The following CPQ variants were observed in gnomAD, a reference collection of about 807,000 sequenced individuals.
CPQ encodes carboxypeptidase Q.
In CPQ, 37 loss-of-function variants were observed where a neutral mutation model predicts 45.7. The ratio of observed to expected loss-of-function variants is 0.81; its 90% CI spans 0.62 to 1.07. The LOEUF (loss-of-function observed/expected upper bound fraction) is 1.07. Ranked by LOEUF, CPQ falls within the 50% of genes least tolerant of loss-of-function variation. The probability of loss-of-function intolerance (pLI) is 0.00; values close to 1 mark genes in which losing one functional copy is unlikely to be tolerated. For missense variants in CPQ, 537 were observed against 572.9 expected, an observed-to-expected ratio of 0.94 and a Z score of 0.64; for synonymous variants, 186 against 205.8, an observed-to-expected ratio of 0.90 and a Z score of 0.82.
chr8:96,733,899 G>A (rs550064540), intron 1 of CPQ, among the ~76,000 whole-genome samples: 7 of 152,178 alleles, frequency 4.6e-5, no homozygotes, highest in South Asian at 2.1e-4. Flanking sequence ...CTGTGAACCC[G>A]TACTTAGTTT....
At chr8:96,914,295 T>G (rs1430881914) in intron 4 of CPQ, among the ~76,000 whole-genome samples, 1 of 152,206 alleles carries the variant, frequency 6.6e-6, no homozygotes, top group African/African-American at 2.4e-5. Context: ...AAAACAGTTT[T>G]GATTCATTCC....
At chr8:97,085,820 C>A (rs747344332) in intron 7 of CPQ, among the ~76,000 whole-genome samples, 4 of 152,092 alleles carry the variant, frequency 2.6e-5, no homozygotes, top group Non-Finnish European at 4.4e-5. Flanking sequence ...AGGCTAAAGC[C>A]AATTGTGGTT....
At chr8:96,834,925 C>A in intron 2 of CPQ, 48 bp from the exon 3 acceptor site, 1 of 1,550,728 alleles carries the variant, frequency 6.4e-7, no homozygotes, top group African/African-American at 1.4e-5. Flanking sequence ...CAATTCAACC[C>A]AGCTGATGGG....
chr8:96,786,041 A>G (rs1486898074), intron 2 of CPQ, among the ~76,000 whole-genome samples: 1 of 152,208 alleles, frequency 6.6e-6, no homozygotes, highest in African/African-American at 2.4e-5. Flanking sequence ...TATAATTCAC[A>G]TACTATGATG....
At chr8:96,774,121 A>C (rs1810578465) in intron 1 of CPQ, among the ~76,000 whole-genome samples, 1 of 152,056 alleles carries the variant, frequency 6.6e-6, no homozygotes, top group Non-Finnish European at 1.5e-5. Context: ...AAATAGAAAA[A>C]TTAGCCGGGC....
intron 1 of CPQ, among the ~76,000 whole-genome samples, chr8:96,729,591 A>G (rs1032963136): frequency 6.6e-6 from 1 of 152,116 alleles, no homozygotes; most frequent in Non-Finnish European, 1.5e-5. Flanking sequence ...GGATTTAACA[A>G]TTGTCAACAT....
chr8:96,946,734 T>A (rs1813194569), intron 4 of CPQ, among the ~76,000 whole-genome samples: 1 of 152,078 alleles, frequency 6.6e-6, no homozygotes, highest in African/African-American at 2.4e-5. Flanking sequence ...ATCTAACTTG[T>A]GAAGAAAGAC....
chr8:97,114,572 T>C (rs980379120), intron 7 of CPQ, among the ~76,000 whole-genome samples: 1 of 152,202 alleles, frequency 6.6e-6, no homozygotes. Context: ...AGAGATCTGA[T>C]GTATTTCTTC....
In CPQ at chr8:96,652,054, C is replaced by A. The variant is rs927736689; in HGVS notation, c.-35+6652C>A. Among the ~76,000 whole-genome samples, 56 of 152,296 alleles carry A rather than the reference C, an allele frequency of 3.7e-4. 1 individual carries two copies. The highest frequency in any genetic ancestry group is 1.3e-3 in the African/African-American group (52 of 41,570). ...AGTATAATTAACTATAGTCATCATGCTGACAATATAATCTCAAAAAATTTA... is the reference window on the plus strand; with the variant it reads ...AGTATAATTAACTATAGTCATCATGATGACAATATAATCTCAAAAAATTTA... On this transcript the variant is annotated intron_variant, in intron 1 of 7. Transcript: ENST00000220763.
rs182932055 is a variant in CPQ at position 97,004,791 on chromosome 8, G to A, written c.962-24612G>A. On this transcript the variant is annotated intron_variant, in intron 5 of 7. Coordinates refer to ENST00000220763, the MANE Select transcript of CPQ (RefSeq NM_016134.4). Reference sequence around the variant, plus strand: ...AATGTAAAATGAAGAATATACATATGTAATGGATCAACTATAAGAAACTTA... The same window carrying A: ...AATGTAAAATGAAGAATATACATATATAATGGATCAACTATAAGAAACTTA... Among the ~76,000 whole-genome samples the A allele has an allele frequency of 8.3e-4, 127 of 152,232 alleles. 1 individual carries two copies. The highest frequency in any genetic ancestry group is 3.0e-3 in the African/African-American group (124 of 41,556).
intron 1 of CPQ, among the ~76,000 whole-genome samples, chr8:96,721,478 C>T (rs1809763179): frequency 6.6e-6 from 1 of 152,026 alleles, no homozygotes; most frequent in African/African-American, 2.4e-5. Context: ...TCTCTGACTT[C>T]TTTTGGAAGC....
rs550813171 is a variant in CPQ at position 96,694,337 on chromosome 8, T to TAAA, written c.-35+48945_-35+48947dup. Among the ~76,000 whole-genome samples the TAAA allele has an allele frequency of 4.9e-4, 71 of 143,464 alleles. 1 individual carries two copies. Among genetic ancestry groups the TAAA allele is most frequent in the African/African-American group, 1.7e-3 (68 of 39,396 alleles). The allele number at this position is 143,464 out of a possible 152,430, so 94.1% of individuals were successfully genotyped here. On this transcript the variant is annotated intron_variant, in intron 1 of 7. Coordinates refer to ENST00000220763, the MANE Select transcript of CPQ (RefSeq NM_016134.4). ...AAGGACATGGAGTAACTGAATGGTT[T>TAAA]AAAAAAAAAAAAGACCCAATTATCT...
chr8:96,704,554 T>C (rs1809508855), intron 1 of CPQ, among the ~76,000 whole-genome samples: 1 of 152,014 alleles, frequency 6.6e-6, no homozygotes, highest in African/African-American at 2.4e-5. Flanking sequence ...GGCAGAGGGA[T>C]CAGGTCAAAG....
intron 7 of CPQ, among the ~76,000 whole-genome samples, chr8:97,114,796 G>T: frequency 6.6e-6 from 1 of 152,228 alleles, no homozygotes; most frequent in East Asian, 1.9e-4. Flanking sequence ...TCCTTTCTCT[G>T]GTTAAACATT....
At chr8:96,841,458 G>C (rs558742713) in intron 3 of CPQ, among the ~76,000 whole-genome samples, 246 of 152,298 alleles carry the variant, frequency 1.6e-3, no homozygotes, top group Non-Finnish European at 2.8e-3. Context: ...AGGCCAAACT[G>C]TTTGTTGTAT....
At chr8:97,138,920 G>GA (rs1259099541) in intron 7 of CPQ, among the ~76,000 whole-genome samples, 1 of 150,198 alleles carries the variant, frequency 6.7e-6, no homozygotes, top group Non-Finnish European at 1.5e-5. Flanking sequence ...TGAGAGAAGG[G>GA]AAAAAAATCA....
intron 4 of CPQ, among the ~76,000 whole-genome samples, chr8:96,946,503 G>A (rs954639518): frequency 6.6e-6 from 1 of 151,790 alleles, no homozygotes; most frequent in African/African-American, 2.4e-5. Context: ...ACATTGTGCA[G>A]GTTAGTTACA....
chr8:96,995,782 A>G (rs1809169849), intron 5 of CPQ, among the ~76,000 whole-genome samples: 1 of 151,900 alleles, frequency 6.6e-6, no homozygotes, highest in Admixed American at 6.6e-5. Flanking sequence ...CCAGGTATTA[A>G]GCCTAGTACC....
chr8:97,101,979 C>G (rs111308017), intron 7 of CPQ, among the ~76,000 whole-genome samples: 16 of 136,636 alleles, frequency 1.2e-4, no homozygotes, highest in African/African-American at 4.4e-4. Flanking sequence ...TCTCTCTCTC[C>G]TGATAGCTCA....
Sources: allele counts gnomAD v4.1 joint callset (sites outside exome capture counted in the v4.1 genomes callset), GRCh38; gene constraint gnomAD v4.1.1; transcripts MANE v1.5; gene names NCBI Gene and HGNC (gene_info 2026-07-23, HGNC 2026-07-21).